Variants in CDH12 observed in about 807,000 individuals in gnomAD.
The protein encoded by CDH12 is cadherin 12.
Under a neutral mutation model 74.1 loss-of-function variants are expected in CDH12, and 41 were observed. The ratio of observed to expected loss-of-function variants is 0.55; its 90% CI spans 0.43 to 0.72. The LOEUF is 0.72. CDH12 is among the 30% of genes least tolerant of loss of function. CDH12 has a pLI of 0.00. For missense variants in CDH12, 945 were observed against 977.2 expected (o/e 0.97, Z 0.44); for synonymous variants, 399 against 355.0 (o/e 1.12, Z -1.39).
chr5:22,374,713 T>C (rs748372760), intron 3 of CDH12, among the ~76,000 whole-genome samples: 1 of 151,826 alleles, frequency 6.6e-6, no homozygotes, highest in Admixed American at 6.6e-5. Flanking sequence ...TAACAATAAC[T>C]ATAAAAAATT....
rs751162339 is a variant in CDH12, at chr5:22,287,937, GC to G, written c.-332-75295del. Among the ~76,000 whole-genome samples, 39 of 152,098 alleles carry G rather than the reference GC, an allele frequency of 2.6e-4. 1 individual carries two copies. The highest frequency in any genetic ancestry group is 1.3e-4 in the Non-Finnish European group (9 of 68,000). Reference sequence around the variant, plus strand: ...TCTAAGATATGGCTATTCCGTATGTGCAAGCTCTGTAGTTTAGCACACATTT... The same window carrying G: ...TCTAAGATATGGCTATTCCGTATGTGAAGCTCTGTAGTTTAGCACACATTT... On this transcript the variant is annotated intron_variant, in intron 3 of 14. Coordinates refer to ENST00000382254, the MANE Select transcript of CDH12 (RefSeq NM_004061.5).
intron 3 of CDH12, among the ~76,000 whole-genome samples, chr5:22,292,306 T>C (rs1310100810): frequency 1.3e-5 from 2 of 151,348 alleles, no homozygotes; most frequent in Non-Finnish European, 2.9e-5. Context: ...GCAACACTTT[T>C]TTTTGGTTGT....
intron 1 of CDH12, among the ~76,000 whole-genome samples, chr5:22,785,750 C>T (rs1747591170): frequency 6.6e-6 from 1 of 151,992 alleles, no homozygotes; most frequent in African/African-American, 2.4e-5. Flanking sequence ...ACTCCTGACC[C>T]CAAGAAATCT....
intron 5 of CDH12, among the ~76,000 whole-genome samples, chr5:22,062,858 A>G (rs1741285819): frequency 6.6e-6 from 1 of 152,162 alleles, no homozygotes; most frequent in South Asian, 2.1e-4. Flanking sequence ...TGGTATTATG[A>G]GCCTTGAATC....
chr5:22,143,602 C>A (rs1045826894), intron 4 of CDH12: 15 of 152,162 alleles, frequency 9.9e-5, no homozygotes, highest in Non-Finnish European at 1.9e-4. Context: ...CTCCTGACCT[C>A]GTGATCCACC....
chr5:21,896,218 AGAGT>A (rs1753117206), intron 6 of CDH12, among the ~76,000 whole-genome samples: 1 of 152,232 alleles, frequency 6.6e-6, no homozygotes, highest in Admixed American at 6.5e-5. Context: ...ATGGAGAGTG[AGAGT>A]GAGAAAAATA....
intron 8 of CDH12, among the ~76,000 whole-genome samples, chr5:21,828,085 A>C (rs1338472146): frequency 6.6e-6 from 1 of 152,100 alleles, no homozygotes; most frequent in Admixed American, 6.6e-5. Flanking sequence ...AATTATAAAT[A>C]AATTTAACAC....
chr5:22,359,935 G>A (rs181646250), intron 3 of CDH12, among the ~76,000 whole-genome samples: 3 of 152,196 alleles, frequency 2.0e-5, no homozygotes, highest in South Asian at 2.1e-4. Context: ...AAAGCAGTGT[G>A]TAGAGGGAAA....
intron 1 of CDH12, among the ~76,000 whole-genome samples, chr5:22,793,809 T>C (rs1748047193): frequency 6.6e-6 from 1 of 151,704 alleles, no homozygotes; most frequent in Non-Finnish European, 1.5e-5. Context: ...AGTGTAAAAA[T>C]TACAGAAATT....
At chr5:22,026,773 A>G (rs951971184) in intron 5 of CDH12, among the ~76,000 whole-genome samples, 4 of 152,028 alleles carry the variant, frequency 2.6e-5, no homozygotes, top group East Asian at 1.9e-4. Context: ...TTGAGTTTCT[A>G]TTTACTTACA....
chr5:22,377,880 T>C lies in CDH12; in HGVS notation c.-333+27377A>G, dbSNP rs1580583877. Among the ~76,000 whole-genome samples the C allele has an allele frequency of 2.0e-5, 3 of 152,308 alleles. 1 individual carries two copies. The highest frequency in any genetic ancestry group is 6.5e-5 in the Admixed American group (1 of 15,286). On this transcript the variant is annotated intron_variant, in intron 3 of 14. Coordinates refer to ENST00000382254, the MANE Select transcript of CDH12 (RefSeq NM_004061.5). ...TAATGACAAAGGTGATTTAATGCGT[T>C]TGGAAATTCATACTATGCTACATTG...
intron 3 of CDH12, among the ~76,000 whole-genome samples, chr5:22,376,754 C>G (rs982471090): frequency 6.8e-6 from 1 of 146,372 alleles, no homozygotes; most frequent in African/African-American, 2.5e-5. Flanking sequence ...AAATCCTGGG[C>G]TCAAGTGATC....
intron 1 of CDH12, among the ~76,000 whole-genome samples, chr5:22,589,854 CA>C (rs553105073): frequency 2.6e-3 from 400 of 152,236 alleles, no homozygotes; most frequent in African/African-American, 7.6e-3. Context: ...TATTACCTAT[CA>C]TTTTTTTGTA....
intron 4 of CDH12, among the ~76,000 whole-genome samples, chr5:22,196,278 G>T (rs1200497785): frequency 6.7e-6 from 1 of 148,928 alleles, no homozygotes; most frequent in Non-Finnish European, 1.5e-5. Context: ...CTGCGTGGCT[G>T]GGAATACAGG....
rs538266403 is a variant in CDH12 at position 22,109,349 on chromosome 5, T to C, written c.-186-30487A>G. On this transcript the variant is annotated intron_variant, in intron 4 of 14. Transcript: ENST00000382254. ...AAGCATGCCTACTGCCCATTATAAA[T>C]GATTCAGAATTTCCAAGTTCAGGAG... 5.9e-5 allele frequency among the ~76,000 whole-genome samples: 9 copies of C among 152,286 alleles called. No individual in the cohort carries two copies. The South Asian group carries it at 1.9e-3, about 32-fold the overall frequency.
intron 5 of CDH12, among the ~76,000 whole-genome samples, chr5:22,040,703 A>C (rs1053231734): frequency 1.3e-5 from 2 of 152,188 alleles, no homozygotes; most frequent in African/African-American, 4.8e-5. Flanking sequence ...TTCTATAGCT[A>C]CCAAACTTGT....
At chr5:21,918,551 G>T (rs993630704) in intron 6 of CDH12, among the ~76,000 whole-genome samples, 2 of 151,998 alleles carry the variant, frequency 1.3e-5, no homozygotes, top group Admixed American at 6.6e-5. Context: ...GGGAAGCAAG[G>T]CACCTTCTTC....
At chr5:21,865,994 A>C (rs746091464) in intron 6 of CDH12, among the ~76,000 whole-genome samples, 3 of 152,168 alleles carry the variant, frequency 2.0e-5, no homozygotes, top group Non-Finnish European at 2.9e-5. Context: ...TACTGTTCTC[A>C]TGGTAGTAAA....
At chr5:22,388,216 T>C (rs954428486) in intron 3 of CDH12, among the ~76,000 whole-genome samples, 3 of 152,108 alleles carry the variant, frequency 2.0e-5, no homozygotes, top group Non-Finnish European at 4.4e-5. Context: ...TTAAACTCTC[T>C]TGGCTTCTGC....
Sources: allele counts gnomAD v4.1 joint callset (sites outside exome capture counted in the v4.1 genomes callset), GRCh38; gene constraint gnomAD v4.1.1; transcripts MANE v1.5; gene names NCBI Gene and HGNC (gene_info 2026-07-23, HGNC 2026-07-21).